Variants in RC3H1 observed in about 807,000 individuals in gnomAD.
RC3H1 encodes roquin-1.
A neutral mutation model predicts 138.2 loss-of-function variants in RC3H1; 50 were observed. That is an observed-to-expected ratio of 0.36 (90% CI 0.29 to 0.46). RC3H1 has a LOEUF of 0.46. Among genes scored for constraint, RC3H1 ranks in the 20% least tolerant of loss-of-function variants. The probability of loss-of-function intolerance (pLI) is 1.00; values close to 1 mark genes in which losing one functional copy is unlikely to be tolerated. For missense variants in RC3H1, 1,031 were observed against 1,388.1 expected, an observed-to-expected ratio of 0.74 and a Z score of 4.09; for synonymous variants, 462 against 489.1, an observed-to-expected ratio of 0.94 and a Z score of 0.73.
chr1:173,946,431 A>G (rs1187730378), intron 17 of RC3H1, 45 bp downstream of exon 17: 1 of 1,581,944 alleles, frequency 6.3e-7, no homozygotes, highest in African/African-American at 1.4e-5. Context: ...AAAATCTCTG[A>G]GAACCCTTCA....
At chr1:173,993,818 G>A (rs1240957688) in intron 1 of RC3H1, among the ~76,000 whole-genome samples, 2 of 151,336 alleles carry the variant, frequency 1.3e-5, no homozygotes, top group African/African-American at 2.4e-5. Flanking sequence ...TCAGGAGTTC[G>A]AGACCAGCCT....
chr1:173,943,828 A>C (rs990865941), intron 17 of RC3H1, among the ~76,000 whole-genome samples: 6 of 152,198 alleles, frequency 3.9e-5, no homozygotes, highest in African/African-American at 1.2e-4. Flanking sequence ...CAGTAATTTC[A>C]TCTTATGTAT....
intron 5 of RC3H1, among the ~76,000 whole-genome samples, chr1:173,982,392 A>T (rs1441762227): frequency 1.3e-5 from 2 of 152,200 alleles, no homozygotes; most frequent in East Asian, 3.8e-4. Flanking sequence ...ATAAAAATAA[A>T]TAAATAAAAT....
At chr1:174,001,986 T>A (rs185074436) in intron 1 of RC3H1, among the ~76,000 whole-genome samples, 2 of 152,284 alleles carry the variant, frequency 1.3e-5, no homozygotes, top group African/African-American at 4.8e-5. Flanking sequence ...CCTCAAAAAA[T>A]TTTACAAAAT....
rs1463319736 is a variant in RC3H1, at chr1:173,989,827, C to A, written c.231+2928G>T. Among the ~76,000 whole-genome samples, 4 of 148,556 alleles carry A rather than the reference C, an allele frequency of 2.7e-5. No individual in the cohort carries two copies. The East Asian group carries it at 8.1e-4, about 30-fold the overall frequency. On this transcript the variant is annotated intron_variant, in intron 2 of 19. Coordinates refer to ENST00000367696, the MANE Select transcript of RC3H1 (RefSeq NM_172071.4). ...CTGCAAGCTCCGCTTCCCGGGTTCA[C>A]GCCATTCTCCTGCCTCAGCCTCCCG...
chr1:173,979,907 A>G (rs895944593), intron 6 of RC3H1, among the ~76,000 whole-genome samples: 1 of 152,030 alleles, frequency 6.6e-6, no homozygotes, highest in Non-Finnish European at 1.5e-5. Context: ...TATCCCCCCT[A>G]AAGAGACAGG....
rs915890822 is a variant in RC3H1, at chr1:173,931,196, A to G, written c.*7525T>C. Reference sequence around the variant, plus strand: ...GATTAGAATAAGATGGCACACACTCATTTACAAAATACACACGTTCCTCAT... The same window carrying G: ...GATTAGAATAAGATGGCACACACTCGTTTACAAAATACACACGTTCCTCAT... On this transcript the variant is annotated 3_prime_UTR_variant, in exon 20 of 20. Coordinates refer to ENST00000367696, the MANE Select transcript of RC3H1 (RefSeq NM_172071.4). The G allele has an allele frequency of 2.0e-5, 3 of 152,228 alleles. No homozygotes were observed. The highest frequency in any genetic ancestry group is 6.5e-5 in the Admixed American group (1 of 15,278). 9.4% of individuals were successfully genotyped at this position (152,228 alleles called of 1,614,324 possible).
rs149193585 is a variant in RC3H1, at chr1:173,952,055, G to A, written c.2454C>T (p.Ile818=). The change falls in exon 14 of 20, where the codon ATC becomes ATT. Residue 818 remains isoleucine, a synonymous_variant. Transcript: ENST00000367696. ...CATCTTTGGTTCCAATGTAGGAGCC[G>A]ATGGTGTCACATGACCAGGGAGAGT... ...SQYSPWSCDT[I]GSYIGTKDAK... 22 of 1,606,578 alleles carry A rather than the reference G, an allele frequency of 1.4e-5. No homozygotes were observed. Among genetic ancestry groups the A allele is most frequent in the South Asian group, 1.1e-4 (10 of 89,832 alleles).
chr1:173,948,630 G>T (rs960455524), intron 14 of RC3H1, among the ~76,000 whole-genome samples: 2 of 151,952 alleles, frequency 1.3e-5, no homozygotes, highest in African/African-American at 4.8e-5. Flanking sequence ...TTTGAGACAG[G>T]GTTCTGCTGT....
chr1:173,931,730 T>C lies in RC3H1; in HGVS notation c.*6991A>G, dbSNP rs1346121279. The stretch of plus-strand genomic sequence containing the variant: ...GGAGATAAGGTCTTCAAATAAGACT[T>C]CACGGTTTGCCAGATCCTAAGGAAT... On this transcript the variant is annotated 3_prime_UTR_variant, in exon 20 of 20. Transcript: ENST00000367696. The C allele has an allele frequency of 1.3e-5, 2 of 152,214 alleles. No homozygotes were observed. The highest frequency in any genetic ancestry group is 4.8e-5 in the African/African-American group (2 of 41,452). The allele number at this position is 152,214 out of a possible 1,614,324, so 9.4% of individuals were successfully genotyped here.
intron 1 of RC3H1, among the ~76,000 whole-genome samples, chr1:173,994,923 A>G (rs1235429010): frequency 3.3e-5 from 5 of 152,170 alleles, no homozygotes; most frequent in Admixed American, 6.5e-5. Flanking sequence ...TAAAAAAAAG[A>G]TAAGTCATTC....
At chr1:173,943,300 G>T in intron 18 of RC3H1, 142 bp downstream of exon 18, 2 of 691,538 alleles carry the variant, frequency 2.9e-6, no homozygotes, top group Non-Finnish European at 4.4e-6. Context: ...TCGGAAGGTA[G>T]CCCACCTGCA....
intron 2 of RC3H1, among the ~76,000 whole-genome samples, 169 bp downstream of exon 2, chr1:173,992,586 A>T (rs540524856): frequency 3.9e-5 from 6 of 152,160 alleles, no homozygotes; most frequent in Non-Finnish European, 8.8e-5. Context: ...TTACAGTACC[A>T]AACAGAATTA....
intron 9 of RC3H1, chr1:173,969,398 G>C (rs1158242534): frequency 6.6e-6 from 1 of 151,156 alleles, no homozygotes; most frequent in Non-Finnish European, 1.5e-5. Context: ...TCCGAGATCA[G>C]ATGAGCTCAG....
At chr1:173,983,686 G>C (rs1240801682) in intron 3 of RC3H1, 29 bp from the exon 4 acceptor site, 1 of 1,607,250 alleles carries the variant, frequency 6.2e-7, no homozygotes, top group South Asian at 1.1e-5. Flanking sequence ...GTTATTCCTA[G>C]GTTCACAATG....
rs1177124006 is a variant in RC3H1, at chr1:173,936,748, TATATATATATATA to T, written c.*1960_*1972del. 528 of 46,488 alleles carry T rather than the reference TATATATATATATA, an allele frequency of 0.011. 5 individuals are homozygous for T. Among genetic ancestry groups the T allele is most frequent in the African/African-American group, 0.083 (340 of 4,088 alleles). 2.9% of individuals were successfully genotyped at this position (46,488 alleles called of 1,614,324 possible). ...AAGCATACATATATATATATATATA[TATATATATATATA>T]TTTTTTTTTTTTTTTTTAAAAAAAG... On this transcript the variant is annotated 3_prime_UTR_variant, in exon 20 of 20. Transcript: ENST00000367696.
Position 173,947,572 on chromosome 1 carries a change from C to T in RC3H1, c.2534G>A (p.Ser845Asn). ...AGSVEMMNVE[S>N]KGMRDQRLDL... ...TAATCGCTGGTCCCTCATTCCTTTACTCTCCACATTCTGATAAAAAAGCAA... is the reference window on the plus strand; with the variant it reads ...TAATCGCTGGTCCCTCATTCCTTTATTCTCCACATTCTGATAAAAAAGCAA... Residue 845 changes from serine (S) to asparagine (N), a missense_variant, in exon 15 of 20, where the codon AGT (serine) becomes AAT (asparagine). Ser to Asn is a conservative substitution (Grantham distance 46, BLOSUM62 1). Around this residue, in one of 7 missense-constraint regions of RC3H1, gnomAD observed 716 missense variants for 837.9 expected, o/e 0.85. Transcript: ENST00000367696. The T allele has an allele frequency of 6.2e-7, 1 of 1,613,856 alleles. No individual in the cohort carries two copies. The highest frequency in any genetic ancestry group is 1.1e-5 in the South Asian group (1 of 91,072).
chr1:174,005,226 T>C (rs1661632502), intron 1 of RC3H1, among the ~76,000 whole-genome samples: 1 of 152,174 alleles, frequency 6.6e-6, no homozygotes, highest in African/African-American at 2.4e-5. Flanking sequence ...TGTTTTATAA[T>C]AGCTCAGATC....
chr1:173,968,951 C>T (rs1359717550), intron 9 of RC3H1, among the ~76,000 whole-genome samples: 12 of 150,874 alleles, frequency 8.0e-5, no homozygotes, highest in African/African-American at 2.4e-4. Context: ...CTCCACCTCC[C>T]GGGTTCAAGC....
Sources: allele counts gnomAD v4.1 joint callset (sites outside exome capture counted in the v4.1 genomes callset), GRCh38; gene constraint gnomAD v4.1.1; regional missense constraint gnomAD v4.1.1; transcripts MANE v1.5; gene names NCBI Gene and HGNC (gene_info 2026-07-23, HGNC 2026-07-21).